The following AKAP12 variants were observed in gnomAD, a reference collection of about 807,000 sequenced individuals.
AKAP12 encodes the protein A-kinase anchor protein 12.
Under a neutral mutation model 79.9 loss-of-function variants are expected in AKAP12, and 32 were observed. That is an observed-to-expected ratio of 0.40 (90% CI 0.30 to 0.54). The LOEUF is 0.54. Ranked by LOEUF, AKAP12 falls within the 20% of genes least tolerant of loss-of-function variation. The probability of loss-of-function intolerance (pLI) is 0.48; values close to 1 mark genes in which losing one functional copy is unlikely to be tolerated. For synonymous variants in AKAP12, 808 were observed against 857.0 expected, an observed-to-expected ratio of 0.94 and a Z score of 1.00; for missense variants, 2,074 against 2,177.0, an observed-to-expected ratio of 0.95 and a Z score of 0.94.
In AKAP12 at chr6:151,349,239, C is replaced by G. The variant is rs778357086; in HGVS notation, c.848C>G (p.Ser283Cys). ...QEKEPSKSAESPTSPVTSETG... is the reference protein window; with the variant it reads ...QEKEPSKSAECPTSPVTSETG... ...AAAGAACCTAGCAAGTCTGCAGAAT[C>G]TCCGACTAGTCCCGTGACCAGTGAA... is the stretch of plus-strand genomic sequence containing the variant. Residue 283 changes from serine (S) to cysteine (C), a missense_variant, in exon 4 of 5, where the codon TCT becomes TGT. Coordinates refer to ENST00000402676, the MANE Select transcript of AKAP12 (RefSeq NM_005100.4). 9.3e-6 allele frequency: 15 copies of G among 1,613,692 alleles called. 1 individual carries two copies. In the Admixed American group the frequency reaches 2.5e-4, roughly 27 times the overall value.
At chr6:151,245,033 CATT>C (rs1202385223) in intron 2 of AKAP12, among the ~76,000 whole-genome samples, 19 of 152,120 alleles carry the variant, frequency 1.2e-4, no homozygotes, top group Non-Finnish European at 2.2e-4. Flanking sequence ...TTTAAGCTGA[CATT>C]ATAAGATTAT....
chr6:151,261,585 C>T (rs1400351951), intron 2 of AKAP12, among the ~76,000 whole-genome samples: 1 of 150,268 alleles, frequency 6.7e-6, no homozygotes, highest in African/African-American at 2.4e-5. Flanking sequence ...CCTGTAAGCC[C>T]AGCTGCTTAG....
At chr6:151,307,823 C>T (rs1777006758) in intron 3 of AKAP12, among the ~76,000 whole-genome samples, 1 of 152,120 alleles carries the variant, frequency 6.6e-6, no homozygotes, top group Non-Finnish European at 1.5e-5. Context: ...GAGGTCTGAG[C>T]AAATATCAAA....
chr6:151,267,141 A>AT (rs1185986019), intron 2 of AKAP12, among the ~76,000 whole-genome samples: 3 of 151,834 alleles, frequency 2.0e-5, no homozygotes, highest in African/African-American at 4.8e-5. Context: ...GTAAAAAAAA[A>AT]CCAGCAGACA....
intron 2 of AKAP12, among the ~76,000 whole-genome samples, chr6:151,273,339 G>A (rs901925328): frequency 2.0e-5 from 3 of 152,192 alleles, no homozygotes; most frequent in Admixed American, 6.5e-5. Context: ...TGCTGATACT[G>A]AGTTTGACTG....
At chr6:151,328,466 G>C (rs1427380949) in intron 3 of AKAP12, among the ~76,000 whole-genome samples, 1 of 151,782 alleles carries the variant, frequency 6.6e-6, no homozygotes, top group East Asian at 1.9e-4. Context: ...GTGAAACCCC[G>C]TCTCTACTAA....
At chr6:151,329,769 G>A (rs762218244) in intron 3 of AKAP12, among the ~76,000 whole-genome samples, 3 of 152,152 alleles carry the variant, frequency 2.0e-5, no homozygotes, top group Non-Finnish European at 4.4e-5. Context: ...GGCAGGTGTT[G>A]TTCAGCACTT....
intron 2 of AKAP12, among the ~76,000 whole-genome samples, chr6:151,284,256 G>A (rs966949158): frequency 6.6e-6 from 1 of 152,118 alleles, no homozygotes; most frequent in African/African-American, 2.4e-5. Context: ...AAACCTGCAC[G>A]TTGAGTCATG....
In AKAP12 at chr6:151,349,175, G is replaced by A; in HGVS notation, c.784G>A (p.Val262Met). Reference protein sequence around the residue: ...ISPPAESGQAVEECKEEGEEK... With the variant: ...ISPPAESGQAMEECKEEGEEK... ...TCCCCCAGCCGAATCTGGCCAAGCA[G>A]TGGAGGAATGCAAAGAGGAAGGAGA... is the stretch of plus-strand genomic sequence containing the variant. The change falls in exon 4 of 5, where the codon GTG (valine) becomes ATG (methionine). Residue 262 changes from valine (V) to methionine (M), a missense_variant. Val to Met is a conservative substitution (Grantham distance 21, BLOSUM62 1). Coordinates refer to ENST00000402676, the MANE Select transcript of AKAP12 (RefSeq NM_005100.4). 2 of 1,613,284 alleles carry A rather than the reference G, an allele frequency of 1.2e-6. No homozygotes were observed. Among genetic ancestry groups the A allele is most frequent in the Non-Finnish European group, 1.7e-6 (2 of 1,180,048 alleles).
intron 2 of AKAP12, among the ~76,000 whole-genome samples, chr6:151,277,683 G>A (rs1021036361): frequency 5.9e-5 from 9 of 152,036 alleles, no homozygotes; most frequent in Non-Finnish European, 1.2e-4. Context: ...TATTTTAACA[G>A]GAATATAAAT....
At chr6:151,318,445 C>T (rs1170561982) in intron 3 of AKAP12, among the ~76,000 whole-genome samples, 1 of 152,132 alleles carries the variant, frequency 6.6e-6, no homozygotes, top group Admixed American at 6.5e-5. Context: ...TGTTCAAATA[C>T]CTTAGGATTC....
intron 2 of AKAP12, among the ~76,000 whole-genome samples, chr6:151,287,084 C>CAT (rs1776520497): frequency 6.6e-6 from 1 of 151,596 alleles, no homozygotes; most frequent in Non-Finnish European, 1.5e-5. Flanking sequence ...GGACTACAGG[C>CAT]GCCCGCCACC....
At chr6:151,320,430 CT>C (rs935232781) in intron 3 of AKAP12, among the ~76,000 whole-genome samples, 1 of 151,968 alleles carries the variant, frequency 6.6e-6, no homozygotes, top group Non-Finnish European at 1.5e-5. Flanking sequence ...TGTGTCACTA[CT>C]TTGTGCTGTC....
At position 151,338,431 on chromosome 6, in the gene AKAP12, A is replaced by G. The variant is rs114698287; in HGVS notation, c.320-10280A>G. On this transcript the variant is annotated intron_variant, in intron 3 of 4. Coordinates refer to ENST00000402676, the MANE Select transcript of AKAP12 (RefSeq NM_005100.4). ...TCCTTATTTGATGTTTCTTTTGCCT[A>G]TATCAATTTAGGTTAGGTTACTCAT... Among the ~76,000 whole-genome samples the G allele has an allele frequency of 3.3e-3, 498 of 149,130 alleles. 2 individuals are homozygous for G. The highest frequency in any genetic ancestry group is 0.012 in the African/African-American group (481 of 40,278).
intron 2 of AKAP12, among the ~76,000 whole-genome samples, chr6:151,247,655 T>A (rs1241525713): frequency 2.6e-5 from 4 of 152,198 alleles, no homozygotes; most frequent in African/African-American, 9.6e-5. Flanking sequence ...TGCCAGAAAT[T>A]ACTTTGTGGT....
At chr6:151,346,505 G>A (rs1489039907) in intron 3 of AKAP12, among the ~76,000 whole-genome samples, 2 of 152,212 alleles carry the variant, frequency 1.3e-5, no homozygotes, top group African/African-American at 4.8e-5. Context: ...GATTTGTCTG[G>A]TTGTGTCGTT....
intron 3 of AKAP12, among the ~76,000 whole-genome samples, chr6:151,306,696 T>C (rs1278249791): frequency 1.3e-5 from 2 of 152,230 alleles, no homozygotes; most frequent in Non-Finnish European, 1.5e-5. Flanking sequence ...TCTTCAAACA[T>C]GTGGAACCTG....
chr6:151,293,347 A>G (rs571297847), intron 2 of AKAP12, among the ~76,000 whole-genome samples: 191 of 152,376 alleles, frequency 1.3e-3, no homozygotes, highest in Non-Finnish European at 2.3e-3. Flanking sequence ...AGGGCCACAG[A>G]AAAAACTAGT....
At chr6:151,241,953 A>C (rs1486117744) in intron 2 of AKAP12, among the ~76,000 whole-genome samples, 4 of 152,022 alleles carry the variant, frequency 2.6e-5, no homozygotes, top group African/African-American at 9.7e-5. Flanking sequence ...TCTTTGATTC[A>C]TAACTACTTG....
Sources: allele counts gnomAD v4.1 joint callset (sites outside exome capture counted in the v4.1 genomes callset), GRCh38; gene constraint gnomAD v4.1.1; transcripts MANE v1.5; gene names NCBI Gene and HGNC (gene_info 2026-07-23, HGNC 2026-07-21).